The following HOMER2 variants were observed in gnomAD, a reference collection of about 807,000 sequenced individuals.
HOMER2 encodes the protein homer scaffold protein 2, also known as homer protein homolog 2.
Under a neutral mutation model 47.0 loss-of-function variants are expected in HOMER2, and 27 were observed. The ratio of observed to expected loss-of-function variants is 0.57; its 90% CI spans 0.42 to 0.79. HOMER2 has a LOEUF of 0.79. Among genes scored for constraint, HOMER2 ranks in the 30% least tolerant of loss-of-function variants. HOMER2 has a pLI of 0.00. For missense variants in HOMER2, 443 were observed against 435.0 expected, an observed-to-expected ratio of 1.02 and a Z score of -0.16; for synonymous variants, 161 against 163.8, an observed-to-expected ratio of 0.98 and a Z score of 0.13.
At chr15:82,969,008 C>A (rs965614093) in intron 1 of HOMER2, among the ~76,000 whole-genome samples, 8 of 152,182 alleles carry the variant, frequency 5.3e-5, no homozygotes, top group Non-Finnish European at 1.0e-4. Context: ...CATAATTGAT[C>A]ACATCACTTA....
chr15:82,963,431 C>A (rs2054648124), intron 1 of HOMER2, among the ~76,000 whole-genome samples: 1 of 152,046 alleles, frequency 6.6e-6, no homozygotes, highest in Non-Finnish European at 1.5e-5. Flanking sequence ...GTGGAGTCCC[C>A]AGTCAGGCTA....
chr15:82,946,520 A>T (rs1251235465), intron 1 of HOMER2, among the ~76,000 whole-genome samples: 1 of 152,140 alleles, frequency 6.6e-6, no homozygotes, highest in Non-Finnish European at 1.5e-5. Context: ...TCACACTGCC[A>T]GGAACACTTC....
At chr15:82,914,162 C>G (rs2053519520) in intron 1 of HOMER2, among the ~76,000 whole-genome samples, 1 of 148,228 alleles carries the variant, frequency 6.7e-6, no homozygotes, top group African/African-American at 2.5e-5. Context: ...CGGTGAAACC[C>G]CATCTCTACT....
At chr15:82,859,163 A>C (rs1346285229) in intron 4 of HOMER2, 28 bp from the exon 5 acceptor site, 2 of 1,613,930 alleles carry the variant, frequency 1.2e-6, no homozygotes, top group East Asian at 4.5e-5. Context: ...TTTCACGCCC[A>C]GATTCCTGGC....
chr15:82,849,914 A>G lies in HOMER2; in HGVS notation c.844-11T>C. The G allele has an allele frequency of 6.2e-7, 1 of 1,612,626 alleles. No homozygotes were observed. Among genetic ancestry groups the G allele is most frequent in the East Asian group, 2.2e-5 (1 of 44,858 alleles). ...GTCTCTCTCTGCCGCCTGGCCAAGC[A>G]AAAGGGAGAAGGGTCTAGAAAACTG... On this transcript the variant is annotated splice_polypyrimidine_tract_variant and intron_variant, in intron 8 of 8. Transcript: ENST00000450735.
At chr15:82,931,394 C>T (rs571693833) in intron 1 of HOMER2, among the ~76,000 whole-genome samples, 20 of 152,276 alleles carry the variant, frequency 1.3e-4, no homozygotes, top group African/African-American at 4.3e-4. Flanking sequence ...GCTTTCAGAA[C>T]ATTTAAAATT....
chr15:82,910,132 CAAAA>C (rs35191408), intron 1 of HOMER2, among the ~76,000 whole-genome samples: 2 of 22,140 alleles, frequency 9.0e-5, no homozygotes, highest in African/African-American at 1.2e-4. Flanking sequence ...GATTCTGTCT[CAAAA>C]AAAAAAAAAA....
At chr15:82,935,630 T>C (rs2054125599) in intron 1 of HOMER2, among the ~76,000 whole-genome samples, 1 of 152,120 alleles carries the variant, frequency 6.6e-6, no homozygotes, top group South Asian at 2.1e-4. Context: ...CATCCTAACT[T>C]GCTCCTCTTC....
chr15:82,904,897 AT>A (rs1471410003), intron 1 of HOMER2, among the ~76,000 whole-genome samples: 8 of 152,364 alleles, frequency 5.3e-5, no homozygotes, highest in Admixed American at 4.6e-4. Flanking sequence ...AAGTAAAAAA[AT>A]AAAATAAAAA....
intron 1 of HOMER2, among the ~76,000 whole-genome samples, chr15:82,902,752 G>GTTTT (rs140672780): frequency 2.6e-5 from 4 of 152,076 alleles, no homozygotes; most frequent in African/African-American, 9.7e-5. Context: ...ACTAGATACG[G>GTTTT]TTTTTTAAAG....
chr15:82,851,317 G>T, intron 7 of HOMER2, 86 bp from the exon 8 acceptor site: 1 of 916,726 alleles, frequency 1.1e-6, no homozygotes, highest in Non-Finnish European at 1.7e-6. Flanking sequence ...CACGCTCGTG[G>T]AAGCAGCTTT....
chr15:82,925,440 T>C (rs1160729218), intron 1 of HOMER2, among the ~76,000 whole-genome samples: 1 of 152,232 alleles, frequency 6.6e-6, no homozygotes, highest in African/African-American at 2.4e-5. Context: ...GATAGCAGCC[T>C]GAACTGCCTA....
upstream of HOMER2, among the ~76,000 whole-genome samples, chr15:82,953,741 G>A (rs550592221): frequency 1.3e-5 from 2 of 152,248 alleles, no homozygotes; most frequent in South Asian, 4.1e-4. Flanking sequence ...AAATTAGCCG[G>A]GCGTGGAGAC....
downstream of HOMER2, chr15:82,835,763 C>G (rs1470331963): frequency 6.6e-6 from 1 of 152,370 alleles, no homozygotes; most frequent in Non-Finnish European, 1.5e-5. Context: ...GGGCTACTCG[C>G]TGGGCATCAG....
chr15:82,977,603 C>T (rs1179140732), intron 1 of HOMER2, among the ~76,000 whole-genome samples: 3 of 152,160 alleles, frequency 2.0e-5, no homozygotes, highest in African/African-American at 7.2e-5. Flanking sequence ...TCTTCACTGC[C>T]TGATGTGTGT....
chr15:82,850,925 C>A (rs558818424), intron 8 of HOMER2, among the ~76,000 whole-genome samples: 1 of 152,340 alleles, frequency 6.6e-6, no homozygotes, highest in East Asian at 1.9e-4. Flanking sequence ...TGCACAGGGG[C>A]CTTCATAGAA....
chr15:82,958,196 A>C (rs935222077), exon 2 of HOMER2: 1 of 152,216 alleles, frequency 6.6e-6, no homozygotes, highest in East Asian at 1.9e-4. Context: ...TCCTTAAACA[A>C]TAAGCTAAAT....
At chr15:82,980,008 G>A (rs2030337131) in intron 1 of HOMER2, among the ~76,000 whole-genome samples, 1 of 152,124 alleles carries the variant, frequency 6.6e-6, no homozygotes, top group African/African-American at 2.4e-5. Context: ...GTATAGGCAA[G>A]GTTATGGGGA....
intron 1 of HOMER2, among the ~76,000 whole-genome samples, chr15:82,980,064 G>C (rs2030339500): frequency 6.6e-6 from 1 of 152,142 alleles, no homozygotes; most frequent in Non-Finnish European, 1.5e-5. Flanking sequence ...ATCAGCCAAA[G>C]AGACAGAGAT....
Sources: allele counts gnomAD v4.1 joint callset (sites outside exome capture counted in the v4.1 genomes callset), GRCh38; gene constraint gnomAD v4.1.1; transcripts MANE v1.5; gene names NCBI Gene and HGNC (gene_info 2026-07-23, HGNC 2026-07-21).